PCLO: variants seen among roughly 807,000 people sequenced by gnomAD.
PCLO encodes piccolo presynaptic cytomatrix protein, also known as protein piccolo.
Under a neutral mutation model 427.5 loss-of-function variants are expected in PCLO, and 82 were observed. That is an observed-to-expected ratio of 0.19 (90% CI 0.16 to 0.23). The LOEUF (loss-of-function observed/expected upper bound fraction) is 0.23, where lower values mean the gene tolerates loss of function less well. Ranked by LOEUF, PCLO falls within the 10% of genes least tolerant of loss-of-function variation. The pLI is 1.00. For synonymous variants in PCLO, 2,357 were observed against 2,155.4 expected (o/e 1.09, Z -2.59); for missense variants, 6,239 against 6,115.9 (o/e 1.02, Z -0.67).
chr7:83,067,604 A>ACACATACTGT (rs1285727392), intron 3 of PCLO, among the ~76,000 whole-genome samples: 4 of 152,182 alleles, frequency 2.6e-5, no homozygotes, highest in Admixed American at 1.3e-4. Flanking sequence ...CACCAGCTGA[A>ACACATACTGT]CACATACTGT....
chr7:82,858,220 T>C (rs1274879959), intron 10 of PCLO, among the ~76,000 whole-genome samples: 1 of 152,086 alleles, frequency 6.6e-6, no homozygotes, highest in Non-Finnish European at 1.5e-5. Flanking sequence ...AAAAAGCATA[T>C]GATCATCTCA....
At chr7:82,986,154 ATAAGAATTCTC>A (rs1049834267) in intron 3 of PCLO, among the ~76,000 whole-genome samples, 1 of 151,942 alleles carries the variant, frequency 6.6e-6, no homozygotes, top group African/African-American at 2.4e-5. Flanking sequence ...GAGAAAAAAC[ATAAGAATTCTC>A]TAATCATTAC....
chr7:83,086,175 T>C, intron 3 of PCLO, among the ~76,000 whole-genome samples: 1 of 151,534 alleles, frequency 6.6e-6, no homozygotes, highest in Non-Finnish European at 1.5e-5. Flanking sequence ...AATGGCGCAA[T>C]GGTTGGCTCA....
chr7:82,826,735 ATATT>A (rs1349492373), intron 17 of PCLO, 75 bp from the exon 18 acceptor site: 4 of 854,798 alleles, frequency 4.7e-6, no homozygotes, highest in African/African-American at 3.4e-5. Flanking sequence ...TACAGTAGAC[ATATT>A]TATTTTTTTC....
intron 6 of PCLO, among the ~76,000 whole-genome samples, chr7:82,942,116 T>A (rs1043375655): frequency 2.0e-4 from 31 of 152,186 alleles, no homozygotes; most frequent in African/African-American, 6.5e-4. Context: ...GAGGCAGAGG[T>A]TGCAATCAGC....
At chr7:83,083,275 T>A (rs985857597) in intron 3 of PCLO, among the ~76,000 whole-genome samples, 14 of 152,018 alleles carry the variant, frequency 9.2e-5, no homozygotes, top group Admixed American at 3.3e-4. Flanking sequence ...ATAAACACTA[T>A]AATTCTTAAA....
intron 4 of PCLO, among the ~76,000 whole-genome samples, chr7:82,958,117 T>C (rs1795570027): frequency 6.6e-6 from 1 of 152,208 alleles, no homozygotes; most frequent in Admixed American, 6.5e-5. Context: ...AACAGCTGCC[T>C]AAGAGCATGC....
rs144574814 is a variant in PCLO at position 83,155,272 on chromosome 7, C to T, written c.1369G>A (p.Gly457Arg). 4.4e-3 allele frequency: 7,167 copies of T among 1,613,804 alleles called. 46 individuals carry two copies. Among genetic ancestry groups the T allele is most frequent in the Middle Eastern group, 0.016 (97 of 6,056 alleles). ...GKIPAQQAGP[G>R]KTSAQQTGPT... ...CCAGTCTGCTGGGCAGAAGTCTTTC[C>T]GGGTCCTGCCTGTTGAGCTGGAATC... The change falls in exon 2 of 25, where the codon GGA becomes AGA. Residue 457 changes from glycine to arginine, a missense_variant. Transcript: ENST00000333891.
intron 3 of PCLO, among the ~76,000 whole-genome samples, chr7:83,116,380 G>A (rs560389318): frequency 2.7e-4 from 41 of 152,176 alleles, no homozygotes; most frequent in Admixed American, 2.0e-3. Context: ...TGTGTTTTCT[G>A]CTAGAGATGT....
chr7:82,944,104 A>T (rs910738439), intron 6 of PCLO, among the ~76,000 whole-genome samples: 7 of 141,642 alleles, frequency 4.9e-5, no homozygotes, highest in Admixed American at 7.7e-5. Flanking sequence ...TCGTGTCATT[A>T]CACTCCAGCC....
chr7:83,059,740 G>T (rs2116309739), intron 3 of PCLO, among the ~76,000 whole-genome samples: 1 of 152,216 alleles, frequency 6.6e-6, no homozygotes, highest in East Asian at 1.9e-4. Context: ...AATCTTGCAG[G>T]GAGGTCAGGT....
chr7:83,137,289 A>G (rs1164674496), intron 2 of PCLO, among the ~76,000 whole-genome samples: 1 of 152,232 alleles, frequency 6.6e-6, no homozygotes, highest in Non-Finnish European at 1.5e-5. Context: ...CTCTCACGGA[A>G]AGTAAACTTA....
chr7:82,999,525 ATATTATATTAAAATATAAAATATAATAT>A lies in PCLO; in HGVS notation c.3301-33066_3301-33039del, dbSNP rs1365050733. On this transcript the variant is annotated intron_variant, in intron 3 of 24. Transcript: ENST00000333891. ...ATATTATATTAAAATATAAAATATA[ATATTATATTAAAATATAAAATATAATAT>A]TATATTAAAATATAAAATATAATAT... 6.0e-5 allele frequency among the ~76,000 whole-genome samples: 4 copies of A among 66,744 alleles called. 1 individual carries two copies. Among genetic ancestry groups the A allele is most frequent in the Non-Finnish European group, 9.9e-5 (4 of 40,254 alleles). The allele number at this position is 66,744 out of a possible 152,430, so 43.8% of individuals were successfully genotyped here. A position where few individuals can be genotyped will look rare whatever the true frequency, so the allele number is the denominator to read the frequency against.
At chr7:82,771,175 A>G (rs937417472) in intron 22 of PCLO, among the ~76,000 whole-genome samples, 4 of 151,946 alleles carry the variant, frequency 2.6e-5, no homozygotes, top group African/African-American at 7.2e-5. Flanking sequence ...TGCTTATACA[A>G]TGAAAATTGT....
intron 3 of PCLO, among the ~76,000 whole-genome samples, chr7:83,039,471 G>A (rs1226421303): frequency 1.3e-5 from 2 of 152,030 alleles, no homozygotes; most frequent in African/African-American, 4.8e-5. Context: ...AGACTATTGT[G>A]TCCCTACTGA....
intron 3 of PCLO, among the ~76,000 whole-genome samples, chr7:83,040,431 G>C (rs1718768018): frequency 6.6e-6 from 1 of 152,114 alleles, no homozygotes; most frequent in South Asian, 2.1e-4. Context: ...ACTTGCAGCG[G>C]ATTTTTCTGT....
At chr7:83,038,085 C>A (rs9691563) in intron 3 of PCLO, among the ~76,000 whole-genome samples, 601 of 45,272 alleles carry the variant, frequency 0.013, 53 homozygotes, top group African/African-American at 0.027. Flanking sequence ...ATATATATAT[C>A]TTTATATATA....
At chr7:82,800,015 G>A (rs952339335) in intron 22 of PCLO, among the ~76,000 whole-genome samples, 1 of 152,130 alleles carries the variant, frequency 6.6e-6, no homozygotes, top group African/African-American at 2.4e-5. Flanking sequence ...AGTTTGGGCA[G>A]CAGGTTTGGG....
chr7:82,831,768 A>G lies in PCLO; in HGVS notation c.14250-3802T>C, dbSNP rs1792098927. Reference sequence around the variant, plus strand: ...AAAAACAGCTTGCTCCTAAACACCAATGAAAGCCTTTGCAGTATTTTTTGC... The same window carrying G: ...AAAAACAGCTTGCTCCTAAACACCAGTGAAAGCCTTTGCAGTATTTTTTGC... On this transcript the variant is annotated intron_variant, in intron 16 of 24. Transcript: ENST00000333891. Among the ~76,000 whole-genome samples, 4 of 152,168 alleles carry G rather than the reference A, an allele frequency of 2.6e-5. No homozygotes were observed. In the South Asian group the frequency reaches 6.2e-4, roughly 24 times the overall value.
Sources: allele counts gnomAD v4.1 joint callset (sites outside exome capture counted in the v4.1 genomes callset), GRCh38; gene constraint gnomAD v4.1.1; transcripts MANE v1.5; gene names NCBI Gene and HGNC (gene_info 2026-07-23, HGNC 2026-07-21).